The following LNX2 variants were observed in gnomAD, a reference collection of about 807,000 sequenced individuals.
LNX2 encodes the protein ligand of Numb protein X 2.
Under a neutral mutation model 66.2 loss-of-function variants are expected in LNX2, and 35 were observed. That is an observed-to-expected ratio of 0.53 (90% CI 0.40 to 0.70). The LOEUF (loss-of-function observed/expected upper bound fraction) is 0.70. LNX2 is among the 30% of genes least tolerant of loss of function. LNX2 has a pLI of 0.00. For synonymous variants in LNX2, 337 were observed against 315.6 expected (o/e 1.07, Z -0.72); for missense variants, 791 against 850.8 (o/e 0.93, Z 0.87).
At chr13:27,569,336 T>C in intron 2 of LNX2, 60 bp from the exon 3 acceptor site, 1 of 1,554,780 alleles carries the variant, frequency 6.4e-7, no homozygotes, top group Non-Finnish European at 8.7e-7. Context: ...ACAAATAAAA[T>C]AGGGAGGGGG....
Position 27,581,356 on chromosome 13 carries a change from A to C in LNX2, c.348T>G (p.Phe116Leu). The C allele has an allele frequency of 6.4e-7, 1 of 1,566,320 alleles. No homozygotes were observed. The highest frequency in any genetic ancestry group is 8.7e-7 in the Non-Finnish European group (1 of 1,152,672). ...LLDKLLVLCPFSSVCKDVMQR... is the reference protein window; with the variant it reads ...LLDKLLVLCPLSSVCKDVMQR... ...GCATTACATCTTTGCACACTGAAGA[A>C]AATGGACATAAAACTAATAATTTGT... Residue 116 changes from phenylalanine (F) to leucine (L), a missense_variant, in exon 2 of 10, where the codon TTT (phenylalanine) becomes TTG (leucine). Coordinates refer to ENST00000316334, the MANE Select transcript of LNX2 (RefSeq NM_153371.4).
chr13:27,586,135 A>G (rs1276575994), intron 1 of LNX2, among the ~76,000 whole-genome samples: 1 of 150,820 alleles, frequency 6.6e-6, no homozygotes, highest in Admixed American at 6.6e-5. Flanking sequence ...ATACACACAT[A>G]CACATATATA....
chr13:27,553,503 T>TGCTTA, intron 7 of LNX2, 64 bp from the exon 8 acceptor site: 2 of 1,296,974 alleles, frequency 1.5e-6, no homozygotes, highest in Non-Finnish European at 2.2e-6. Context: ...CAAATCTTGT[T>TGCTTA]GTTTATAAAC....
intron 1 of LNX2, among the ~76,000 whole-genome samples, chr13:27,612,060 A>C (rs1228761913): frequency 2.0e-5 from 3 of 152,264 alleles, no homozygotes; most frequent in Non-Finnish European, 4.4e-5. Context: ...AGACTTAAGT[A>C]GGTAAAGTTC....
intron 1 of LNX2, among the ~76,000 whole-genome samples, chr13:27,592,424 G>A (rs1238027014): frequency 6.6e-6 from 1 of 152,198 alleles, no homozygotes; most frequent in African/African-American, 2.4e-5. Flanking sequence ...TAGCATAACT[G>A]AGATGCACAA....
intron 5 of LNX2, among the ~76,000 whole-genome samples, chr13:27,561,566 A>G (rs950188460): frequency 2.0e-5 from 3 of 152,188 alleles, no homozygotes; most frequent in Non-Finnish European, 4.4e-5. Context: ...TCAATACAAT[A>G]AAGAGAGTTG....
intron 1 of LNX2, among the ~76,000 whole-genome samples, chr13:27,601,419 T>C (rs937884545): frequency 6.6e-6 from 1 of 152,192 alleles, no homozygotes; most frequent in Non-Finnish European, 1.5e-5. Flanking sequence ...ACACCCTATC[T>C]GCAGACATTG....
intron 1 of LNX2, among the ~76,000 whole-genome samples, chr13:27,598,443 T>G (rs1955622953): frequency 6.6e-6 from 1 of 152,132 alleles, no homozygotes; most frequent in South Asian, 2.1e-4. Flanking sequence ...TGAACAGGGA[T>G]TAACCCATGG....
At chr13:27,597,168 G>T (rs1955607764) in intron 1 of LNX2, among the ~76,000 whole-genome samples, 1 of 152,096 alleles carries the variant, frequency 6.6e-6, no homozygotes, top group Non-Finnish European at 1.5e-5. Context: ...TAACTTCATT[G>T]AAACCATATC....
chr13:27,555,275 C>T (rs1425345521), intron 7 of LNX2, among the ~76,000 whole-genome samples: 1 of 152,172 alleles, frequency 6.6e-6, no homozygotes, highest in Non-Finnish European at 1.5e-5. Context: ...GGAAAACTGG[C>T]CATTTATTTA....
intron 1 of LNX2, among the ~76,000 whole-genome samples, chr13:27,585,073 A>G (rs145485504): frequency 0.067 from 10,089 of 149,660 alleles, 444 homozygotes; most frequent in Middle Eastern, 0.14. Context: ...GTGAGCAGAG[A>G]TCATGCCACC....
intron 2 of LNX2, among the ~76,000 whole-genome samples, chr13:27,573,346 T>C (rs772457207): frequency 2.1e-4 from 32 of 152,030 alleles, no homozygotes; most frequent in Non-Finnish European, 1.5e-4. Context: ...CCTATACTTG[T>C]TTCCTGTATG....
intron 1 of LNX2, among the ~76,000 whole-genome samples, chr13:27,607,720 CTTAA>C (rs1421417078): frequency 6.6e-6 from 1 of 152,176 alleles, no homozygotes; most frequent in Admixed American, 6.5e-5. Flanking sequence ...TGTTTTGACT[CTTAA>C]TTATTTCCAG....
At chr13:27,573,720 C>T (rs1382191586) in intron 2 of LNX2, among the ~76,000 whole-genome samples, 1 of 152,122 alleles carries the variant, frequency 6.6e-6, no homozygotes, top group Non-Finnish European at 1.5e-5. Context: ...CAATCATTAG[C>T]TGTCCAGTAC....
At chr13:27,600,977 A>G (rs1403557505) in intron 1 of LNX2, among the ~76,000 whole-genome samples, 1 of 152,202 alleles carries the variant, frequency 6.6e-6, no homozygotes, top group African/African-American at 2.4e-5. Context: ...ATCTTCCTTT[A>G]ACCATATTAC....
At position 27,553,190 on chromosome 13, in the gene LNX2, C is replaced by G; in HGVS notation, c.1778+18G>C. On this transcript the variant is annotated intron_variant, in intron 8 of 9. Coordinates refer to ENST00000316334, the MANE Select transcript of LNX2 (RefSeq NM_153371.4). Reference sequence around the variant, plus strand: ...CATGATTATGATTTCCATAAAGCAACAAGAAAGCGCTCAGTACCTGGGAAG... The same window carrying G: ...CATGATTATGATTTCCATAAAGCAAGAAGAAAGCGCTCAGTACCTGGGAAG... 1.2e-6 allele frequency: 2 copies of G among 1,602,218 alleles called. No homozygotes were observed. Among genetic ancestry groups the G allele is most frequent in the Non-Finnish European group, 1.7e-6 (2 of 1,169,538 alleles).
At chr13:27,560,565 G>GCATATATATATATATATATATATAGA (rs1242930383) in intron 5 of LNX2, among the ~76,000 whole-genome samples, 1 of 119,970 alleles carries the variant, frequency 8.3e-6, no homozygotes, top group Non-Finnish European at 1.7e-5. Flanking sequence ...ATGTATGTGT[G>GCATATATATATATATATATATATAGA]TATATATATA....
At chr13:27,593,757 C>CT (rs1165023707) in intron 1 of LNX2, among the ~76,000 whole-genome samples, 6,505 of 118,072 alleles carry the variant, frequency 0.055, 196 homozygotes, top group East Asian at 0.099. Flanking sequence ...TGTGTGTGTT[C>CT]TTTTTTTTTT....
At chr13:27,561,608 C>G (rs1955136784) in intron 5 of LNX2, among the ~76,000 whole-genome samples, 1 of 152,222 alleles carries the variant, frequency 6.6e-6, no homozygotes, top group African/African-American at 2.4e-5. Context: ...CTTAAATTTT[C>G]ATTGTTATTT....
Sources: allele counts gnomAD v4.1 joint callset (sites outside exome capture counted in the v4.1 genomes callset), GRCh38; gene constraint gnomAD v4.1.1; transcripts MANE v1.5; gene names NCBI Gene and HGNC (gene_info 2026-07-23, HGNC 2026-07-21).